PLCB4: variants seen among roughly 807,000 people sequenced by gnomAD.
PLCB4 encodes 1-phosphatidylinositol 4,5-bisphosphate phosphodiesterase beta-4.
PLCB4 carries 77 observed loss-of-function variants against 178.8 expected under a neutral mutation model. The observed-to-expected ratio is 0.43, with a 90% CI of 0.36 to 0.52. The LOEUF (loss-of-function observed/expected upper bound fraction) is 0.52. PLCB4 is among the 20% of genes least tolerant of loss of function. The probability of loss-of-function intolerance (pLI) is 0.00; values close to 1 mark genes in which losing one functional copy is unlikely to be tolerated. For synonymous variants in PLCB4, 496 were observed against 490.8 expected (o/e 1.01, Z -0.14); for missense variants, 1,024 against 1,453.4 (o/e 0.70, Z 4.80).
chr20:9,353,446 A>G (rs554537972), intron 7 of PLCB4, among the ~76,000 whole-genome samples: 1 of 152,362 alleles, frequency 6.6e-6, no homozygotes, highest in South Asian at 2.1e-4. Context: ...TGGAGCCAGG[A>G]GAAATCAGCT....
At chr20:9,080,055 G>A (rs1437124192) in intron 1 of PLCB4, among the ~76,000 whole-genome samples, 3 of 152,090 alleles carry the variant, frequency 2.0e-5, no homozygotes, top group African/African-American at 7.2e-5. Context: ...TAAAATGTCA[G>A]GTACCTGGGG....
chr20:9,361,344 G>A (rs896965337), intron 7 of PLCB4, among the ~76,000 whole-genome samples: 20 of 152,296 alleles, frequency 1.3e-4, no homozygotes, highest in African/African-American at 4.8e-4. Context: ...GATGAACTTT[G>A]AGGACTTTAT....
intron 3 of PLCB4, among the ~76,000 whole-genome samples, chr20:9,239,990 G>A (rs891030677): frequency 1.3e-5 from 2 of 152,194 alleles, no homozygotes; most frequent in Non-Finnish European, 2.9e-5. Context: ...AGCTGCGCTG[G>A]CAGCTGATTA....
intron 25 of PLCB4, among the ~76,000 whole-genome samples, chr20:9,417,052 T>C (rs2040299227): frequency 1.3e-5 from 2 of 152,182 alleles, no homozygotes; most frequent in Admixed American, 1.3e-4. Context: ...ATAAAAGTTA[T>C]GCTTCTAAGA....
chr20:9,263,658 C>T (rs1389433546), intron 3 of PLCB4, among the ~76,000 whole-genome samples: 1 of 152,188 alleles, frequency 6.6e-6, no homozygotes, highest in Non-Finnish European at 1.5e-5. Flanking sequence ...CTCCTTTTAT[C>T]TGGCAGCTAA....
At chr20:9,126,635 A>G (rs983561917) in intron 2 of PLCB4, among the ~76,000 whole-genome samples, 2 of 152,198 alleles carry the variant, frequency 1.3e-5, no homozygotes, top group Admixed American at 1.3e-4. Context: ...GCATCATTGC[A>G]CAAGCTAACA....
chr20:9,230,609 A>G (rs1276449758), intron 3 of PLCB4, among the ~76,000 whole-genome samples: 1 of 152,146 alleles, frequency 6.6e-6, no homozygotes, highest in East Asian at 1.9e-4. Flanking sequence ...TCACTGGGTC[A>G]GCAATTTGGG....
Position 9,320,851 on chromosome 20 carries a change from C to T in PLCB4, c.84+12953C>T, listed in dbSNP as rs539220512. Among the ~76,000 whole-genome samples, 73 of 152,220 alleles carry T rather than the reference C, an allele frequency of 4.8e-4. No homozygotes were observed. The Middle Eastern group carries it at 0.01, about 21-fold the overall frequency. On this transcript the variant is annotated intron_variant, in intron 4 of 39. Transcript: ENST00000378473. Reference sequence around the variant, plus strand: ...TAGAAATGCAGATTATTAGGCCCCACCCCAGACCTACAGAATCAGAAACTC... The same window carrying T: ...TAGAAATGCAGATTATTAGGCCCCATCCCAGACCTACAGAATCAGAAACTC...
chr20:9,441,348 T>A (rs1174282945), intron 30 of PLCB4, among the ~76,000 whole-genome samples: 3 of 152,124 alleles, frequency 2.0e-5, no homozygotes, highest in Non-Finnish European at 2.9e-5. Flanking sequence ...GGGTGGGGAA[T>A]AAACTCTACT....
At chr20:9,083,013 A>AAAT (rs2090230543) in intron 1 of PLCB4, among the ~76,000 whole-genome samples, 1 of 152,206 alleles carries the variant, frequency 6.6e-6, no homozygotes, top group African/African-American at 2.4e-5. Context: ...TTTTCCATAA[A>AAAT]GATTGATGAT....
At chr20:9,143,233 C>G (rs1439479827) in intron 2 of PLCB4, among the ~76,000 whole-genome samples, 3 of 152,094 alleles carry the variant, frequency 2.0e-5, no homozygotes, top group Non-Finnish European at 4.4e-5. Context: ...GTCCATCTCC[C>G]TCTTTAAAAT....
At chr20:9,441,851 A>G (rs2042124753) in intron 30 of PLCB4, among the ~76,000 whole-genome samples, 1 of 151,814 alleles carries the variant, frequency 6.6e-6, no homozygotes. Flanking sequence ...GGGAGGTGTG[A>G]AATTCCAAAC....
intron 2 of PLCB4, among the ~76,000 whole-genome samples, chr20:9,147,971 T>C (rs1031651474): frequency 2.0e-5 from 3 of 152,142 alleles, no homozygotes; most frequent in Non-Finnish European, 1.5e-5. Context: ...CTCCATGCCA[T>C]GGCCACAGGA....
At chr20:9,192,166 A>G (rs1000945499) in intron 2 of PLCB4, among the ~76,000 whole-genome samples, 1 of 152,144 alleles carries the variant, frequency 6.6e-6, no homozygotes, top group African/African-American at 2.4e-5. Context: ...TGAGCCATCG[A>G]GCCGGCAGTA....
chr20:9,414,627 A>G (rs960794895), intron 25 of PLCB4, among the ~76,000 whole-genome samples: 1 of 152,176 alleles, frequency 6.6e-6, no homozygotes, highest in Non-Finnish European at 1.5e-5. Flanking sequence ...CAACTGTAGC[A>G]AAACGTCAGA....
intron 7 of PLCB4, among the ~76,000 whole-genome samples, chr20:9,345,325 A>G (rs1185019892): frequency 6.6e-6 from 1 of 152,214 alleles, no homozygotes; most frequent in African/African-American, 2.4e-5. Flanking sequence ...AAATAATTGA[A>G]TATGAGCATT....
At chr20:9,300,934 G>C (rs1411667324) in intron 3 of PLCB4, among the ~76,000 whole-genome samples, 1 of 152,010 alleles carries the variant, frequency 6.6e-6, no homozygotes, top group African/African-American at 2.4e-5. Context: ...GAGGCCAGAC[G>C]TCTGACATCA....
intron 20 of PLCB4, among the ~76,000 whole-genome samples, chr20:9,404,342 A>C (rs1354550565): frequency 6.6e-6 from 1 of 152,186 alleles, no homozygotes; most frequent in Non-Finnish European, 1.5e-5. Context: ...TCTGATGAGC[A>C]AAGCCAAAGG....
At chr20:9,218,670 A>G (rs1026335054) in intron 3 of PLCB4, among the ~76,000 whole-genome samples, 10 of 152,106 alleles carry the variant, frequency 6.6e-5, no homozygotes, top group African/African-American at 2.4e-4. Flanking sequence ...CGGCCTTTCC[A>G]TGAGGGGAAG....
Sources: gnomAD v4.1 joint callset for allele counts (sites outside exome capture counted in the v4.1 genomes callset) on GRCh38, gnomAD v4.1.1 for gene constraint, MANE v1.5 for transcripts, NCBI Gene and HGNC (gene_info 2026-07-23, HGNC 2026-07-21) for gene names.